TCF20: variants seen among roughly 807,000 people sequenced by gnomAD.
The protein encoded by TCF20 is transcription factor 20, also known as SPRE-binding protein.
A neutral mutation model predicts 148.6 loss-of-function variants in TCF20; 3 were observed. That is an observed-to-expected ratio of 0.02 (90% CI 0.01 to 0.05). The LOEUF (loss-of-function observed/expected upper bound fraction) is 0.05, where lower values mean the gene tolerates loss of function less well. TCF20 is among the 10% of genes least tolerant of loss of function. The pLI, the probability that TCF20 is intolerant of heterozygous loss-of-function variation, is 1.00. For missense variants in TCF20, 2,350 were observed against 2,429.3 expected (o/e 0.97, Z 0.69); for synonymous variants, 1,049 against 909.5 (o/e 1.15, Z -2.76).
chr22:42,188,897 A>G (rs2147122098), intron 2 of TCF20, among the ~76,000 whole-genome samples: 1 of 152,352 alleles, frequency 6.6e-6, no homozygotes, highest in South Asian at 2.1e-4. Context: ...AGTGATGTAA[A>G]CAGTACTTCA....
intron 1 of TCF20, among the ~76,000 whole-genome samples, chr22:42,245,999 T>G (rs1021371354): frequency 1.4e-4 from 21 of 152,212 alleles, no homozygotes; most frequent in Non-Finnish European, 3.1e-4. Flanking sequence ...GGACAAGTAC[T>G]AGGACTCATC....
At position 42,161,049 on chromosome 22, in the gene TCF20, T is replaced by C; in HGVS notation, c.*354A>G. 1 of 314,050 alleles carries C rather than the reference T, an allele frequency of 3.2e-6. No homozygotes were observed. The highest frequency in any genetic ancestry group is 5.7e-6 in the Non-Finnish European group (1 of 174,156). 19.5% of individuals were successfully genotyped at this position (314,050 alleles called of 1,614,324 possible). On this transcript the variant is annotated 3_prime_UTR_variant, in exon 6 of 6. Coordinates refer to ENST00000677622, the MANE Select transcript of TCF20 (RefSeq NM_001378418.1). ...AAACAAAGTCTTTCCAGACTAAAAATAGATTTATATATATATATTTATCCC... is the reference window on the plus strand; with the variant it reads ...AAACAAAGTCTTTCCAGACTAAAAACAGATTTATATATATATATTTATCCC...
chr22:42,245,323 A>G (rs1364938886), intron 1 of TCF20, among the ~76,000 whole-genome samples: 2 of 151,896 alleles, frequency 1.3e-5, no homozygotes, highest in Non-Finnish European at 2.9e-5. Flanking sequence ...GGTTCAAGTG[A>G]TCCTCCCACC....
intron 2 of TCF20, among the ~76,000 whole-genome samples, chr22:42,196,185 T>C (rs1937593692): frequency 6.6e-6 from 1 of 152,176 alleles, no homozygotes; most frequent in African/African-American, 2.4e-5. Context: ...GACCTGCCAC[T>C]ATTGGAGTGA....
chr22:42,252,445 C>A (rs927062049), intron 1 of TCF20, among the ~76,000 whole-genome samples: 4 of 151,994 alleles, frequency 2.6e-5, no homozygotes, highest in African/African-American at 9.7e-5. Context: ...CCTTTATCCA[C>A]ACACAAGACA....
At chr22:42,169,145 C>T (rs1485491229) in intron 4 of TCF20, among the ~76,000 whole-genome samples, 2 of 151,322 alleles carry the variant, frequency 1.3e-5, no homozygotes, top group Non-Finnish European at 2.9e-5. Flanking sequence ...TCAGTGTGAC[C>T]TCAGCCAGAG....
intron 1 of TCF20, among the ~76,000 whole-genome samples, chr22:42,239,912 T>G (rs1924244740): frequency 6.6e-6 from 1 of 152,220 alleles, no homozygotes; most frequent in Non-Finnish European, 1.5e-5. Flanking sequence ...AGACTTAGAC[T>G]TGCTCAATGC....
At chr22:42,168,575 G>A in intron 5 of TCF20, 34 bp downstream of exon 5, 2 of 1,540,954 alleles carry the variant, frequency 1.3e-6, no homozygotes, top group Non-Finnish European at 8.7e-7. Flanking sequence ...TGGGAGCCGG[G>A]CAGGATGCAG....
At chr22:42,217,856 A>G (rs1188444843) in intron 1 of TCF20, among the ~76,000 whole-genome samples, 1 of 152,216 alleles carries the variant, frequency 6.6e-6, no homozygotes, top group Admixed American at 6.5e-5. Flanking sequence ...CAGTAACCCC[A>G]AATTCTAAAA....
At chr22:42,263,260 C>T (rs1293087965) in intron 1 of TCF20, among the ~76,000 whole-genome samples, 1 of 152,282 alleles carries the variant, frequency 6.6e-6, no homozygotes, top group African/African-American at 2.4e-5. Context: ...CACATCACTA[C>T]CAAAGGGATA....
chr22:42,331,811 C>T (rs1300103076), intron 1 of TCF20, among the ~76,000 whole-genome samples: 1 of 152,248 alleles, frequency 6.6e-6, no homozygotes, highest in Non-Finnish European at 1.5e-5. Context: ...AGAATCTGAA[C>T]TTAGCCAGGA....
rs550035576 is a variant in TCF20 at position 42,213,967 on chromosome 22, G to T, written c.1339C>A (p.Arg447=). ...GFGLEGVPEK[R]LTDPGLSSLS... is the part of the protein sequence containing the mutation. The stretch of plus-strand genomic sequence containing the variant: ...CTACTCAACCCAGGATCTGTCAGTC[G>T]CTTTTCTGGTACCCCTTCTAGTCCA... Residue 447 remains arginine, a synonymous_variant, in exon 2 of 6, where the codon CGA becomes AGA. Coordinates refer to ENST00000677622, the MANE Select transcript of TCF20 (RefSeq NM_001378418.1). 1.2e-6 allele frequency: 2 copies of T among 1,614,174 alleles called. No homozygotes were observed. Among genetic ancestry groups the T allele is most frequent in the South Asian group, 2.2e-5 (2 of 91,084 alleles).
intron 1 of TCF20, among the ~76,000 whole-genome samples, chr22:42,296,560 C>T (rs1386250852): frequency 6.6e-6 from 1 of 152,210 alleles, no homozygotes. Flanking sequence ...GGCCCCCTGG[C>T]ATTGGGCCCG....
At chr22:42,266,082 T>TAAAA (rs134876) in intron 1 of TCF20, among the ~76,000 whole-genome samples, 1 of 141,562 alleles carries the variant, frequency 7.1e-6, no homozygotes, top group African/African-American at 2.7e-5. Context: ...GCTTTAAAAT[T>TAAAA]AAAAAAAAAA....
At chr22:42,261,736 G>A (rs1926039302) in intron 1 of TCF20, among the ~76,000 whole-genome samples, 1 of 152,202 alleles carries the variant, frequency 6.6e-6, no homozygotes, top group Non-Finnish European at 1.5e-5. Flanking sequence ...GCTCACACCT[G>A]TAATCCCAGC....
chr22:42,267,254 C>T (rs749323719), intron 1 of TCF20, among the ~76,000 whole-genome samples: 10 of 152,042 alleles, frequency 6.6e-5, no homozygotes, highest in South Asian at 2.1e-4. Flanking sequence ...GCAACAAGAG[C>T]GAGACTCCAT....
At position 42,292,977 on chromosome 22, in the gene TCF20, T is replaced by A. The variant is rs1423777139; in HGVS notation, c.-37+50502A>T. ...TTTGAATTTCAGGAGCTGGGCCTCA[T>A]AGGCAGGGCAGAAAGGCCAGGGAGT... On this transcript the variant is annotated intron_variant, in intron 1 of 1. Transcript: ENST00000515426. This position sits in a 1 kb window ranked among gnomAD's most constrained non-coding sequence, Gnocchi z 4.9. 6.6e-6 allele frequency among the ~76,000 whole-genome samples: 1 copy of A among 150,752 alleles called. No individual in the cohort carries two copies. Among genetic ancestry groups the A allele is most frequent in the Non-Finnish European group, 1.5e-5 (1 of 67,784 alleles).
rs1298556503 is a variant in TCF20 at position 42,292,103 on chromosome 22, A to G, written c.-37+51376T>C. Among the ~76,000 whole-genome samples, 1 of 151,996 alleles carries G rather than the reference A, an allele frequency of 6.6e-6. No individual in the cohort carries two copies. Among genetic ancestry groups the G allele is most frequent in the Non-Finnish European group, 1.5e-5 (1 of 67,990 alleles). ...GACCCGTGAGCACTAATGGGGCCTC[A>G]CTCCCATTTCTTAGATAAAGAAACT... On this transcript the variant is annotated intron_variant, in intron 1 of 1. Coordinates refer to the TCF20 transcript ENST00000515426. The surrounding 1 kb of genome is among the most constrained non-coding windows in gnomAD (Gnocchi z 4.9).
intron 1 of TCF20, among the ~76,000 whole-genome samples, chr22:42,298,420 G>C (rs1009996239): frequency 1.3e-5 from 2 of 152,268 alleles, no homozygotes; most frequent in African/African-American, 4.8e-5. Context: ...AGGGAGACAG[G>C]AGTAGTGTCA....
Sources: gnomAD v4.1 joint callset for allele counts (sites outside exome capture counted in the v4.1 genomes callset) on GRCh38, gnomAD v4.1.1 for gene constraint, Gnocchi (gnomAD v3.1) non-coding constraint, MANE v1.5 for transcripts, NCBI Gene and HGNC (gene_info 2026-07-23, HGNC 2026-07-21) for gene names.